The following FAT3 variants were observed in gnomAD, a reference collection of about 807,000 sequenced individuals.
The protein encoded by FAT3 is FAT atypical cadherin 3.
Under a neutral mutation model 310.2 loss-of-function variants are expected in FAT3, and 95 were observed. The observed-to-expected ratio is 0.31, with a 90% CI of 0.26 to 0.36. FAT3 has a LOEUF of 0.36. FAT3 is among the 10% of genes least tolerant of loss of function. The pLI, the probability that FAT3 is intolerant of heterozygous loss-of-function variation, is 1.00. For synonymous variants in FAT3, 2,314 were observed against 2,192.9 expected, an observed-to-expected ratio of 1.06 and a Z score of -1.54; for missense variants, 5,408 against 5,715.6, an observed-to-expected ratio of 0.95 and a Z score of 1.74.
At chr11:92,475,502 G>A (rs1591339629) in intron 2 of FAT3, among the ~76,000 whole-genome samples, 3 of 151,918 alleles carry the variant, frequency 2.0e-5, no homozygotes, top group African/African-American at 7.3e-5. Flanking sequence ...TGAAAAGCTG[G>A]CTGTGGTTTC....
In FAT3 at chr11:92,352,293, T is replaced by A; in HGVS notation, c.181T>A (p.Tyr61Asn). ...TVYENSAART[Y>N]VNSQSRMGIT... Reference sequence around the variant, plus strand: ...GTATGAGAACTCAGCAGCAAGGACCTACGTCAACAGCCAGAGTAGAATGGG... The same window carrying A: ...GTATGAGAACTCAGCAGCAAGGACCAACGTCAACAGCCAGAGTAGAATGGG... Residue 61 changes from tyrosine (Y) to asparagine (N), a missense_variant, in exon 2 of 28, where the codon TAC becomes AAC. By Grantham distance (143) the Tyr-to-Asn change is moderately radical. Around this residue, in one of 5 missense-constraint regions of FAT3, gnomAD observed 152 missense variants for 188.3 expected, o/e 0.81. Coordinates refer to ENST00000525166, the MANE Select transcript of FAT3 (RefSeq NM_001367949.2). 1 of 1,494,994 alleles carries A rather than the reference T, an allele frequency of 6.7e-7. No individual in the cohort carries two copies. Among genetic ancestry groups the A allele is most frequent in the Non-Finnish European group, 9.0e-7 (1 of 1,105,342 alleles). The allele number at this position is 1,494,994 out of a possible 1,614,324, so 92.6% of individuals were successfully genotyped here.
chr11:92,817,590 G>C (rs951356167), intron 13 of FAT3, among the ~76,000 whole-genome samples: 1 of 152,200 alleles, frequency 6.6e-6, no homozygotes, highest in East Asian at 1.9e-4. Context: ...ATAGCGTCTT[G>C]AACCCTGCAC....
intron 3 of FAT3, among the ~76,000 whole-genome samples, chr11:92,530,435 C>G (rs1954027893): frequency 1.3e-5 from 2 of 152,106 alleles, no homozygotes; most frequent in Admixed American, 1.3e-4. Flanking sequence ...TCTTACGGGG[C>G]TGAGGTTTGA....
intron 1 of FAT3, among the ~76,000 whole-genome samples, chr11:92,243,869 T>C (rs1334404483): frequency 2.6e-5 from 4 of 152,128 alleles, no homozygotes; most frequent in Non-Finnish European, 5.9e-5. Flanking sequence ...TATTTTAAAA[T>C]AGAAAGCTTC....
intron 3 of FAT3, 40 bp downstream of exon 3, chr11:92,524,988 C>T (rs1953810888): frequency 1.3e-6 from 2 of 1,515,476 alleles, no homozygotes; most frequent in Non-Finnish European, 1.8e-6. Flanking sequence ...AGTTTGTAGT[C>T]CAGCCTTTAA....
chr11:92,442,238 T>C (rs1173691231), intron 2 of FAT3, among the ~76,000 whole-genome samples: 1 of 146,432 alleles, frequency 6.8e-6, no homozygotes, highest in Non-Finnish European at 1.5e-5. Flanking sequence ...CTCAGCCTCC[T>C]GAGTAGTTGG....
chr11:92,366,142 C>G (rs1051210807), intron 2 of FAT3, among the ~76,000 whole-genome samples: 1 of 152,098 alleles, frequency 6.6e-6, no homozygotes, highest in Admixed American at 6.5e-5. Flanking sequence ...GGCTCTCTTG[C>G]GTCTCCTTAT....
At chr11:92,649,553 G>A (rs1565485882) in intron 3 of FAT3, among the ~76,000 whole-genome samples, 1 of 152,098 alleles carries the variant, frequency 6.6e-6, no homozygotes, top group African/African-American at 2.4e-5. Flanking sequence ...TGCTCTGGAT[G>A]TCCATCACTC....
At chr11:92,860,516 A>G (rs1949093640) in intron 21 of FAT3, among the ~76,000 whole-genome samples, 1 of 152,208 alleles carries the variant, frequency 6.6e-6, no homozygotes, top group Admixed American at 6.5e-5. Flanking sequence ...TGCTATTCTC[A>G]CCAGGTTGCT....
At chr11:92,334,936 C>T (rs987400139) in intron 1 of FAT3, among the ~76,000 whole-genome samples, 1 of 152,140 alleles carries the variant, frequency 6.6e-6, no homozygotes. Flanking sequence ...ATTGATTATA[C>T]CTGTGGAAAT....
chr11:92,390,331 G>A (rs1949720860), intron 2 of FAT3, among the ~76,000 whole-genome samples: 1 of 152,098 alleles, frequency 6.6e-6, no homozygotes, highest in Non-Finnish European at 1.5e-5. Flanking sequence ...GATGGGACTG[G>A]GCCTGGGCTA....
At chr11:92,345,561 C>T (rs189958757) in intron 1 of FAT3, among the ~76,000 whole-genome samples, 2 of 152,202 alleles carry the variant, frequency 1.3e-5, no homozygotes, top group East Asian at 1.9e-4. Context: ...ATTTAACAAG[C>T]CTTATGATGG....
intron 24 of FAT3, among the ~76,000 whole-genome samples, chr11:92,885,945 C>T (rs1237922954): frequency 6.6e-6 from 1 of 152,194 alleles, no homozygotes; most frequent in Non-Finnish European, 1.5e-5. Flanking sequence ...TGCAGAGCCA[C>T]CATGCCTGTT....
At chr11:92,437,387 A>T (rs559857818) in intron 2 of FAT3, among the ~76,000 whole-genome samples, 1 of 152,126 alleles carries the variant, frequency 6.6e-6, no homozygotes, top group African/African-American at 2.4e-5. Context: ...ATTCAAATCC[A>T]TCTCTCCTTA....
chr11:92,433,658 G>T (rs1391442137), intron 2 of FAT3, among the ~76,000 whole-genome samples: 1 of 152,134 alleles, frequency 6.6e-6, no homozygotes, highest in Non-Finnish European at 1.5e-5. Flanking sequence ...GGGAGCTGCA[G>T]ACCAGAGCTG....
Position 92,547,217 on chromosome 11 carries a change from C to T in FAT3, c.3607+22269C>T, listed in dbSNP as rs188583537. Among the ~76,000 whole-genome samples, 329 of 152,240 alleles carry T rather than the reference C, an allele frequency of 2.2e-3. 1 individual carries two copies. Among genetic ancestry groups the T allele is most frequent in the Non-Finnish European group, 3.4e-3 (232 of 68,026 alleles). ...CTCACCCTGCCTAAAAGGGGGCAGC[C>T]GCTATTTAATCCCAACAGATGATTG... On this transcript the variant is annotated intron_variant, in intron 3 of 27. Coordinates refer to ENST00000525166, the MANE Select transcript of FAT3 (RefSeq NM_001367949.2).
chr11:92,406,901 T>C (rs1426645604), intron 2 of FAT3, among the ~76,000 whole-genome samples: 1 of 152,180 alleles, frequency 6.6e-6, no homozygotes, highest in Non-Finnish European at 1.5e-5. Flanking sequence ...CCTGGCCAGA[T>C]GAGGAATCCA....
intron 4 of FAT3, among the ~76,000 whole-genome samples, chr11:92,710,790 T>C (rs1944496350): frequency 6.6e-6 from 1 of 152,198 alleles, no homozygotes. Context: ...CAGAAGCAAT[T>C]CATTTAAAAG....
chr11:92,273,341 T>TCTCCCTC (rs1591037981), intron 1 of FAT3, among the ~76,000 whole-genome samples: 2 of 152,060 alleles, frequency 1.3e-5, no homozygotes, highest in African/African-American at 4.8e-5. Context: ...TTCTGCCTCA[T>TCTCCCTC]CTCCCTCCTC....
Sources: allele counts gnomAD v4.1 joint callset (sites outside exome capture counted in the v4.1 genomes callset), GRCh38; gene constraint gnomAD v4.1.1; regional missense constraint gnomAD v4.1.1; transcripts MANE v1.5; gene names NCBI Gene and HGNC (gene_info 2026-07-23, HGNC 2026-07-21).